SOX5: variants seen among roughly 807,000 people sequenced by gnomAD.
The protein encoded by SOX5 is SRY-box transcription factor 5.
In SOX5, 9 loss-of-function variants were observed where a neutral mutation model predicts 92.0. The observed-to-expected ratio is 0.10, with a 90% CI of 0.06 to 0.17. SOX5 has a LOEUF of 0.17. Among genes scored for constraint, SOX5 ranks in the 10% least tolerant of loss-of-function variants. The pLI, the probability that SOX5 is intolerant of heterozygous loss-of-function variation, is 1.00. For missense variants in SOX5, 642 were observed against 944.5 expected (o/e 0.68, Z 4.20); for synonymous variants, 344 against 336.3 (o/e 1.02, Z -0.25).
chr12:23,548,000 A>G (rs1345494049), intron 11 of SOX5, among the ~76,000 whole-genome samples: 3 of 152,108 alleles, frequency 2.0e-5, no homozygotes, highest in Non-Finnish European at 2.9e-5. Context: ...AAAACAAAAG[A>G]CAGTTACATT....
In SOX5 at chr12:23,542,158, T is replaced by C. The variant is rs16926335; in HGVS notation, c.1771+1053A>G. On this transcript the variant is annotated intron_variant, in intron 13 of 14. Coordinates refer to ENST00000451604, the MANE Select transcript of SOX5 (RefSeq NM_006940.6). ...TTTGCCATTTATAGATGATCTGTAA[T>C]GAATCAAAAGTGATACTATTTTTAT... Among the ~76,000 whole-genome samples the C allele has an allele frequency of 2.8e-3, 434 of 152,322 alleles. 2 individuals are homozygous for C. The highest frequency in any genetic ancestry group is 1.0e-2 in the African/African-American group (415 of 41,586).
At chr12:23,561,829 A>C (rs1253580403) in intron 11 of SOX5, among the ~76,000 whole-genome samples, 3 of 150,912 alleles carry the variant, frequency 2.0e-5, no homozygotes, top group Non-Finnish European at 4.4e-5. Flanking sequence ...AAAAAAAAAA[A>C]AGGGTACAGA....
At chr12:23,747,392 T>G (rs958443983) in intron 4 of SOX5, among the ~76,000 whole-genome samples, 3 of 152,168 alleles carry the variant, frequency 2.0e-5, no homozygotes, top group Non-Finnish European at 4.4e-5. Flanking sequence ...GTAAATCAAG[T>G]CATGCCATAT....
At chr12:23,651,820 C>A (rs2081603441) in intron 7 of SOX5, among the ~76,000 whole-genome samples, 1 of 151,302 alleles carries the variant, frequency 6.6e-6, no homozygotes, top group Non-Finnish European at 1.5e-5. Context: ...GGAGGTACAA[C>A]AGGATCAAAG....
In SOX5 at chr12:23,607,599, T is replaced by C. The variant is rs544240214; in HGVS notation, c.1018-3066A>G. ...GCCAAGAAATGATGAGCAGTTTCCT[T>C]CTTTTATTAAACGTTCTTAAAGCAA... On this transcript the variant is annotated intron_variant, in intron 8 of 14. Coordinates refer to ENST00000451604, the MANE Select transcript of SOX5 (RefSeq NM_006940.6). Among the ~76,000 whole-genome samples, 7 of 152,292 alleles carry C rather than the reference T, an allele frequency of 4.6e-5. No individual in the cohort carries two copies. The East Asian group carries it at 1.4e-3, about 29-fold the overall frequency.
intron 7 of SOX5, among the ~76,000 whole-genome samples, chr12:23,649,958 G>C (rs555623870): frequency 2.6e-5 from 4 of 152,074 alleles, no homozygotes; most frequent in African/African-American, 9.7e-5. Flanking sequence ...CAGTTTTATG[G>C]CATTATCTTC....
At chr12:24,445,367 A>G (rs1006665013) in intron 1 of SOX5, among the ~76,000 whole-genome samples, 2 of 152,136 alleles carry the variant, frequency 1.3e-5, no homozygotes, top group East Asian at 1.9e-4. Context: ...AGAGAGCAAA[A>G]AAAGGAGGTA....
intron 2 of SOX5, among the ~76,000 whole-genome samples, chr12:23,881,374 C>A (rs2096987906): frequency 6.6e-6 from 1 of 152,080 alleles, no homozygotes; most frequent in South Asian, 2.1e-4. Context: ...TTTCTCTTTG[C>A]TTCATCATGC....
chr12:24,263,541 C>CAA lies in SOX5; in HGVS notation c.-77+13673_-77+13674dup, dbSNP rs528065569. ...AGACTCCGTCTCAAAAAAAAAAAAA[C>CAA]AAAAAAAAAAACAAAAACAAGAAAT... On this transcript the variant is annotated intron_variant, in intron 3 of 4. Coordinates refer to the SOX5 transcript ENST00000446891. Among the ~76,000 whole-genome samples the CAA allele has an allele frequency of 3.3e-3, 368 of 112,034 alleles. 14 individuals carry two copies. The highest frequency in any genetic ancestry group is 0.012 in the African/African-American group (329 of 28,566). 73.5% of individuals were successfully genotyped at this position (112,034 alleles called of 152,430 possible). A position where few individuals can be genotyped will look rare whatever the true frequency, so the allele number is the denominator to read the frequency against.
At chr12:24,298,923 C>T (rs375347466) in intron 2 of SOX5, among the ~76,000 whole-genome samples, 42 of 151,572 alleles carry the variant, frequency 2.8e-4, no homozygotes, top group East Asian at 2.5e-3. Context: ...TAAAATATCA[C>T]AAAGAGTTTT....
At chr12:23,578,786 T>G (rs1949626665) in intron 9 of SOX5, among the ~76,000 whole-genome samples, 1 of 152,212 alleles carries the variant, frequency 6.6e-6, no homozygotes, top group African/African-American at 2.4e-5. Flanking sequence ...AGCAATATAC[T>G]ACCTGTTTAC....
intron 1 of SOX5, among the ~76,000 whole-genome samples, chr12:24,462,213 A>G (rs1215964066): frequency 6.6e-6 from 1 of 152,218 alleles, no homozygotes; most frequent in African/African-American, 2.4e-5. Context: ...AAACCTGTAC[A>G]GCCTGTTACT....
chr12:23,875,423 CTG>C (rs1294294743), intron 2 of SOX5, among the ~76,000 whole-genome samples: 2 of 152,120 alleles, frequency 1.3e-5, no homozygotes, highest in Non-Finnish European at 1.5e-5. Flanking sequence ...AATAACCCCA[CTG>C]TGTTTTTCCT....
chr12:23,615,037 C>T (rs2076390850), intron 8 of SOX5, among the ~76,000 whole-genome samples: 1 of 151,934 alleles, frequency 6.6e-6, no homozygotes, highest in Admixed American at 6.6e-5. Flanking sequence ...CTCCTGACCT[C>T]GTGATCCACC....
At chr12:23,986,637 T>A (rs947782599) in intron 4 of SOX5, among the ~76,000 whole-genome samples, 1 of 152,280 alleles carries the variant, frequency 6.6e-6, no homozygotes, top group Middle Eastern at 3.4e-3. Flanking sequence ...AAATAACAGA[T>A]TTGAATGATC....
At chr12:24,145,139 GA>G (rs1325712777) in intron 4 of SOX5, among the ~76,000 whole-genome samples, 1 of 151,954 alleles carries the variant, frequency 6.6e-6, no homozygotes, top group Non-Finnish European at 1.5e-5. Flanking sequence ...GGAGGAATAT[GA>G]TAATCTGAAG....
chr12:24,198,676 G>A (rs1957237346), intron 4 of SOX5, among the ~76,000 whole-genome samples: 1 of 152,162 alleles, frequency 6.6e-6, no homozygotes, highest in African/African-American at 2.4e-5. Context: ...AAACTCCTGT[G>A]CTTTTACATA....
chr12:23,984,600 A>G (rs1367024185), intron 4 of SOX5, among the ~76,000 whole-genome samples: 1 of 152,200 alleles, frequency 6.6e-6, no homozygotes, highest in Non-Finnish European at 1.5e-5. Flanking sequence ...GAGAGACAGG[A>G]TAGAGATGTA....
intron 3 of SOX5, among the ~76,000 whole-genome samples, chr12:24,216,401 G>A (rs1261536124): frequency 1.3e-5 from 2 of 152,014 alleles, no homozygotes; most frequent in African/African-American, 2.4e-5. Context: ...GGAGAATGGC[G>A]TGAACCCGGG....
Sources: gnomAD v4.1 joint callset for allele counts (sites outside exome capture counted in the v4.1 genomes callset) on GRCh38, gnomAD v4.1.1 for gene constraint, MANE v1.5 for transcripts, NCBI Gene and HGNC (gene_info 2026-07-23, HGNC 2026-07-21) for gene names.